TENM3: variants seen among roughly 807,000 people sequenced by gnomAD.
TENM3 encodes the protein teneurin-3.
Under a neutral mutation model 255.1 loss-of-function variants are expected in TENM3, and 63 were observed. The observed-to-expected ratio is 0.25, with a 90% confidence interval of 0.20 to 0.30. The LOEUF (loss-of-function observed/expected upper bound fraction) is 0.30. Ranked by LOEUF, TENM3 falls within the 10% of genes least tolerant of loss-of-function variation. TENM3 has a pLI of 1.00. For synonymous variants in TENM3, 1,306 were observed against 1,322.3 expected (o/e 0.99, Z 0.27); for missense variants, 2,929 against 3,461.1 (o/e 0.85, Z 3.86).
Position 182,792,137 on chromosome 4 carries a change from C to A in TENM3, c.5602-137C>A. ...ATTAGGCAGAGAAACGTTAACAACA[C>A]GCAAGGTCAAGGATAACTCAATTAA... On this transcript the variant is annotated intron_variant, in intron 25 of 27. Coordinates refer to ENST00000511685, the MANE Select transcript of TENM3 (RefSeq NM_001080477.4). The surrounding 1 kb of genome is among the most constrained non-coding windows in gnomAD (Gnocchi z 6.3). 1.2e-6 allele frequency: 1 copy of A among 849,634 alleles called. No homozygotes were observed. Among genetic ancestry groups the A allele is most frequent in the Non-Finnish European group, 1.8e-6 (1 of 550,712 alleles). The allele number at this position is 849,634 out of a possible 1,614,324, so 52.6% of individuals were successfully genotyped here. A position where few individuals can be genotyped will look rare whatever the true frequency, so the allele number is the denominator to read the frequency against.
chr4:182,771,509 G>GC (rs1764214898), intron 22 of TENM3, among the ~76,000 whole-genome samples: 1 of 143,090 alleles, frequency 7.0e-6, no homozygotes. Context: ...GGGGGGGGGG[G>GC]AAATAGTACA....
chr4:182,100,738 T>C, the TENM3 span, among the ~76,000 whole-genome samples: 183 of 100,888 alleles, frequency 1.8e-3, 7 homozygotes, highest in Admixed American at 2.4e-3. Flanking sequence ...TATATACACA[T>C]ATATATACAC....
chr4:182,666,132 A>G (rs542278100), intron 6 of TENM3, among the ~76,000 whole-genome samples: 29 of 152,324 alleles, frequency 1.9e-4, no homozygotes, highest in African/African-American at 7.0e-4. Context: ...AATTGCTGCA[A>G]TCTCATCATG....
At chr4:182,458,642 A>C (rs2151376973) in intron 3 of TENM3, among the ~76,000 whole-genome samples, 1 of 152,352 alleles carries the variant, frequency 6.6e-6, no homozygotes, top group Admixed American at 6.5e-5. Flanking sequence ...CTAAAGTGGT[A>C]ATAAAACATA....
the TENM3 span, among the ~76,000 whole-genome samples, chr4:181,612,182 G>A: frequency 1.2e-4 from 19 of 152,168 alleles, no homozygotes; most frequent in Non-Finnish European, 2.6e-4. Context: ...CATCATTTCA[G>A]AGATGAGGGT....
intron 6 of TENM3, among the ~76,000 whole-genome samples, chr4:182,654,912 T>C (rs534995795): frequency 6.6e-6 from 1 of 152,184 alleles, no homozygotes; most frequent in Non-Finnish European, 1.5e-5. Context: ...CTTAGGGAGG[T>C]TGAGGAATTT....
At chr4:182,094,556 A>G in the TENM3 span, among the ~76,000 whole-genome samples, 1 of 152,222 alleles carries the variant, frequency 6.6e-6, no homozygotes, top group East Asian at 1.9e-4. Context: ...AGCCAGCCTT[A>G]TTCTTAAAGT....
chr4:182,434,655 A>C (rs1286147861), intron 3 of TENM3, among the ~76,000 whole-genome samples: 2 of 152,194 alleles, frequency 1.3e-5, no homozygotes, highest in East Asian at 1.9e-4. Flanking sequence ...AAAAAAAAAA[A>C]AACCGTATAT....
At chr4:182,181,450 A>G (rs961635720) in intron 1 of TENM3, among the ~76,000 whole-genome samples, 1 of 152,228 alleles carries the variant, frequency 6.6e-6, no homozygotes, top group African/African-American at 2.4e-5. Flanking sequence ...TAACAAAACC[A>G]GTATTAGTGA....
At chr4:182,428,560 G>A (rs1374908038) in intron 3 of TENM3, among the ~76,000 whole-genome samples, 1 of 151,640 alleles carries the variant, frequency 6.6e-6, no homozygotes, top group African/African-American at 2.4e-5. Flanking sequence ...TCTTTGGTCA[G>A]CTATTGATTC....
intron 25 of TENM3, among the ~76,000 whole-genome samples, chr4:182,790,724 C>T (rs1470558213): frequency 1.3e-5 from 2 of 152,164 alleles, no homozygotes; most frequent in Admixed American, 1.3e-4. Flanking sequence ...ATCATGGCTT[C>T]GTTCTGGAGC....
chr4:181,509,548 T>C, the TENM3 span, among the ~76,000 whole-genome samples: 56 of 152,282 alleles, frequency 3.7e-4, no homozygotes, highest in African/African-American at 1.2e-3. Context: ...CTACTGTTTA[T>C]AGATTCCATC....
rs547280954 is a variant in TENM3 at position 182,720,472 on chromosome 4, G to A, written c.2368+6239G>A. Among the ~76,000 whole-genome samples, 4 of 152,168 alleles carry A rather than the reference G, an allele frequency of 2.6e-5. No homozygotes were observed. In the South Asian group the frequency reaches 8.3e-4, roughly 32 times the overall value. On this transcript the variant is annotated intron_variant, in intron 13 of 27. Coordinates refer to ENST00000511685, the MANE Select transcript of TENM3 (RefSeq NM_001080477.4). ...TCAGAGCATTACCCTGTATTATTCA[G>A]GTAGATGATGGTTTGGGGGGAAATT... is the stretch of plus-strand genomic sequence containing the variant.
At chr4:182,286,030 A>T (rs1158458626) in intron 1 of TENM3, among the ~76,000 whole-genome samples, 1 of 152,180 alleles carries the variant, frequency 6.6e-6, no homozygotes, top group Non-Finnish European at 1.5e-5. Flanking sequence ...CTGATACAGG[A>T]GATCCATCGT....
chr4:181,756,285 A>C, the TENM3 span, among the ~76,000 whole-genome samples: 351 of 152,308 alleles, frequency 2.3e-3, 1 homozygote, highest in African/African-American at 7.8e-3. Context: ...ATAAATAGGA[A>C]AAAAAGCAAC....
In TENM3 at chr4:182,320,559, C is replaced by T. The variant is rs139525779; in HGVS notation, c.-75-3387C>T. ...ACCAGTCATTGCATTTAGGGCCCTC[C>T]CTAATCCAGTATGACCTCATCATAA... On this transcript the variant is annotated intron_variant, in intron 1 of 27. Transcript: ENST00000511685. 4.3e-3 allele frequency among the ~76,000 whole-genome samples: 662 copies of T among 152,278 alleles called. 4 individuals are homozygous for T. Among genetic ancestry groups the T allele is most frequent in the African/African-American group, 0.015 (631 of 41,538 alleles).
At chr4:182,024,584 A>T in the TENM3 span, among the ~76,000 whole-genome samples, 1 of 152,180 alleles carries the variant, frequency 6.6e-6, no homozygotes, top group Admixed American at 6.5e-5. Context: ...TAGCAGGTGT[A>T]TATATTCATG....
In TENM3 at chr4:182,302,158, A is replaced by G. The variant is rs576660575; in HGVS notation, c.-75-21788A>G. Among the ~76,000 whole-genome samples the G allele has an allele frequency of 6.6e-5, 10 of 152,282 alleles. No individual in the cohort carries two copies. In the South Asian group the frequency reaches 2.1e-3, roughly 32 times the overall value. ...AAAATCCATCCAAAAAAGAAAAGGG[A>G]GCTTTCTTTGAATTTGCCCACAGAT... On this transcript the variant is annotated intron_variant, in intron 1 of 27. Transcript: ENST00000511685.
chr4:181,799,929 C>T, the TENM3 span, among the ~76,000 whole-genome samples: 8 of 152,084 alleles, frequency 5.3e-5, no homozygotes, highest in Non-Finnish European at 1.0e-4. Context: ...GCAGATAATG[C>T]GGATGAGTAG....
Sources: allele counts gnomAD v4.1 joint callset (sites outside exome capture counted in the v4.1 genomes callset), GRCh38; gene constraint gnomAD v4.1.1; non-coding constraint Gnocchi (gnomAD v3.1); transcripts MANE v1.5; gene names NCBI Gene and HGNC (gene_info 2026-07-23, HGNC 2026-07-21).